BRINP3: variants seen among roughly 807,000 people sequenced by gnomAD.
The protein encoded by BRINP3 is BMP/retinoic acid inducible neural specific 3.
BRINP3 carries 19 observed loss-of-function variants against 71.0 expected under a neutral mutation model. The observed-to-expected ratio is 0.27, with a 90% CI of 0.19 to 0.39. BRINP3 has a LOEUF of 0.39. BRINP3 is among the 10% of genes least tolerant of loss of function. The pLI, the probability that BRINP3 is intolerant of heterozygous loss-of-function variation, is 1.00. For synonymous variants in BRINP3, 380 were observed against 337.7 expected (o/e 1.13, Z -1.37); for missense variants, 959 against 940.8 (o/e 1.02, Z -0.25).
chr1:190,192,752 G>A (rs1030315695), intron 6 of BRINP3, among the ~76,000 whole-genome samples: 3 of 151,968 alleles, frequency 2.0e-5, no homozygotes, highest in Non-Finnish European at 4.4e-5. Context: ...TAAATACATA[G>A]TAATAAATAA....
intron 1 of BRINP3, among the ~76,000 whole-genome samples, chr1:190,461,689 G>A (rs1451641338): frequency 6.6e-6 from 1 of 152,124 alleles, no homozygotes; most frequent in Non-Finnish European, 1.5e-5. Context: ...CTGGTGGTGT[G>A]ATATGGCTGG....
intron 2 of BRINP3, among the ~76,000 whole-genome samples, chr1:190,345,519 A>T: frequency 6.6e-6 from 1 of 151,528 alleles, no homozygotes; most frequent in East Asian, 1.9e-4. Flanking sequence ...ATATATATCT[A>T]TTTCATCATA....
chr1:190,371,608 G>C (rs922228889), intron 2 of BRINP3, among the ~76,000 whole-genome samples: 1 of 152,134 alleles, frequency 6.6e-6, no homozygotes, highest in African/African-American at 2.4e-5. Context: ...CAGGTAGTGT[G>C]ACGGCTACAG....
rs140962505 is a variant in BRINP3, at chr1:190,457,835, T to C, written c.-50-2895A>G. 9.2e-5 allele frequency among the ~76,000 whole-genome samples: 14 copies of C among 152,194 alleles called. No homozygotes were observed. The East Asian group carries it at 2.5e-3, about 27-fold the overall frequency. ...GTTCTACAATTCTGTAATTTTTCAA[T>C]AGGTGAATTACCCAGAACCACTTTC... On this transcript the variant is annotated intron_variant, in intron 1 of 7. Transcript: ENST00000367462.
intron 2 of BRINP3, among the ~76,000 whole-genome samples, chr1:190,378,655 A>G (rs1240868869): frequency 3.9e-5 from 6 of 152,230 alleles, no homozygotes; most frequent in Non-Finnish European, 8.8e-5. Context: ...AGACATGAAG[A>G]TAAAGAAAGG....
chr1:190,299,577 AC>A (rs1558158531), intron 2 of BRINP3, among the ~76,000 whole-genome samples: 1 of 39,968 alleles, frequency 2.5e-5, no homozygotes, highest in Non-Finnish European at 4.8e-5. Context: ...ATGCTATCCC[AC>A]CCCCCTCCCC....
intron 6 of BRINP3, among the ~76,000 whole-genome samples, chr1:190,188,910 C>T (rs1282361206): frequency 6.6e-6 from 1 of 151,846 alleles, no homozygotes; most frequent in Non-Finnish European, 1.5e-5. Flanking sequence ...ACAGGAGCTT[C>T]CCACAATGCC....
intron 6 of BRINP3, among the ~76,000 whole-genome samples, chr1:190,175,178 C>G (rs1652395620): frequency 6.6e-6 from 1 of 152,080 alleles, no homozygotes. Flanking sequence ...AATGTAATAG[C>G]AGGTCTAACA....
chr1:190,195,336 G>A lies in BRINP3; in HGVS notation c.961+30746C>T, dbSNP rs890120934. On this transcript the variant is annotated intron_variant, in intron 6 of 7. Transcript: ENST00000367462. The stretch of plus-strand genomic sequence containing the variant: ...TAAGACCGATTTTTATAATTAAAAA[G>A]AGTTTGCTAGTACTTTTGTACATAG... Among the ~76,000 whole-genome samples, 48 of 151,784 alleles carry A rather than the reference G, an allele frequency of 3.2e-4. 1 individual carries two copies. Among genetic ancestry groups the A allele is most frequent in the Non-Finnish European group, 4.4e-5 (3 of 67,912 alleles).
At chr1:190,244,826 C>T (rs1397272672) in intron 4 of BRINP3, among the ~76,000 whole-genome samples, 1 of 151,918 alleles carries the variant, frequency 6.6e-6, no homozygotes, top group Non-Finnish European at 1.5e-5. Context: ...TCTCAAAGTG[C>T]CCACTATTTT....
chr1:190,320,469 T>C (rs1277149358), intron 2 of BRINP3, among the ~76,000 whole-genome samples: 1 of 152,128 alleles, frequency 6.6e-6, no homozygotes, highest in Non-Finnish European at 1.5e-5. Context: ...CTTATTGTTG[T>C]GCATTTGTAT....
chr1:190,241,413 T>C (rs1659080723), intron 4 of BRINP3, among the ~76,000 whole-genome samples: 1 of 152,082 alleles, frequency 6.6e-6, no homozygotes, highest in Non-Finnish European at 1.5e-5. Flanking sequence ...CTTTCCAAGC[T>C]TTATAGTTAA....
chr1:190,389,943 C>T (rs896950315), intron 2 of BRINP3, among the ~76,000 whole-genome samples: 1 of 151,676 alleles, frequency 6.6e-6, no homozygotes, highest in African/African-American at 2.4e-5. Flanking sequence ...GAGAAATTGG[C>T]AGTAATGGCT....
intron 1 of BRINP3, among the ~76,000 whole-genome samples, chr1:190,466,330 G>T (rs1016036725): frequency 6.6e-6 from 1 of 151,622 alleles, no homozygotes; most frequent in Non-Finnish European, 1.5e-5. Flanking sequence ...TTGCTCCCAG[G>T]CTTACCCTGG....
intron 2 of BRINP3, among the ~76,000 whole-genome samples, chr1:190,298,416 A>C (rs1022856492): frequency 2.6e-5 from 4 of 150,978 alleles, no homozygotes; most frequent in African/African-American, 9.7e-5. Context: ...AGGAGGGAGC[A>C]TATTATTGGT....
chr1:190,354,472 C>A (rs1668601505), intron 2 of BRINP3, among the ~76,000 whole-genome samples: 1 of 151,842 alleles, frequency 6.6e-6, no homozygotes, highest in African/African-American at 2.4e-5. Context: ...GGGCTCGTCA[C>A]TTAAAAGGTG....
intron 6 of BRINP3, among the ~76,000 whole-genome samples, chr1:190,178,278 A>C (rs1258266554): frequency 1.3e-5 from 2 of 152,126 alleles, no homozygotes; most frequent in Non-Finnish European, 2.9e-5. Flanking sequence ...TTTGGTACAC[A>C]ATATGTTTCT....
intron 6 of BRINP3, among the ~76,000 whole-genome samples, chr1:190,182,075 C>A (rs1653080081): frequency 6.6e-6 from 1 of 151,802 alleles, no homozygotes; most frequent in African/African-American, 2.4e-5. Flanking sequence ...TTATTTTCTA[C>A]CTATAGGTAA....
At chr1:190,234,526 T>C in intron 4 of BRINP3, 49 bp from the exon 5 acceptor site, 1 of 1,395,226 alleles carries the variant, frequency 7.2e-7, no homozygotes, top group South Asian at 1.2e-5. Context: ...CTTTACAATG[T>C]CCTTTTGGTT....
Sources: gnomAD v4.1 joint callset for allele counts (sites outside exome capture counted in the v4.1 genomes callset) on GRCh38, gnomAD v4.1.1 for gene constraint, MANE v1.5 for transcripts, NCBI Gene and HGNC (gene_info 2026-07-23, HGNC 2026-07-21) for gene names.